Variants in ROBO2 observed in about 807,000 individuals in gnomAD.
ROBO2 encodes the protein roundabout homolog 2.
ROBO2 carries 53 observed loss-of-function variants against 160.8 expected under a neutral mutation model. The ratio of observed to expected loss-of-function variants is 0.33; its 90% CI spans 0.26 to 0.41. The LOEUF is 0.41. Among genes scored for constraint, ROBO2 ranks in the 10% least tolerant of loss-of-function variants. The probability of loss-of-function intolerance (pLI) is 1.00; values close to 1 mark genes in which losing one functional copy is unlikely to be tolerated. For synonymous variants in ROBO2, 664 were observed against 611.7 expected, an observed-to-expected ratio of 1.09 and a Z score of -1.26; for missense variants, 1,577 against 1,722.4, an observed-to-expected ratio of 0.92 and a Z score of 1.49.
chr3:77,195,438 T>C (rs17820446), intron 2 of ROBO2, among the ~76,000 whole-genome samples: 27,521 of 152,130 alleles, frequency 0.18, 2,815 homozygotes, highest in Middle Eastern at 0.28. Context: ...GTAAATGCAC[T>C]GATGAGCAGT....
chr3:76,515,807 G>A (rs1176379330), intron 2 of ROBO2, among the ~76,000 whole-genome samples: 1 of 152,066 alleles, frequency 6.6e-6, no homozygotes, highest in African/African-American at 2.4e-5. Context: ...CATTCTCAGT[G>A]AACAAAATTT....
intron 2 of ROBO2, among the ~76,000 whole-genome samples, chr3:76,337,678 T>C (rs547305890): frequency 2.0e-5 from 3 of 152,206 alleles, no homozygotes; most frequent in East Asian, 1.9e-4. Context: ...AACTGAAGAA[T>C]AGAGGTGTGA....
At chr3:76,848,224 C>A (rs1279235195) in intron 2 of ROBO2, among the ~76,000 whole-genome samples, 1 of 152,142 alleles carries the variant, frequency 6.6e-6, no homozygotes, top group Non-Finnish European at 1.5e-5. Flanking sequence ...CCAAATAAAT[C>A]TTATATTGAA....
intron 2 of ROBO2, among the ~76,000 whole-genome samples, chr3:76,151,925 G>T (rs556056832): frequency 6.6e-6 from 1 of 152,214 alleles, no homozygotes; most frequent in South Asian, 2.1e-4. Context: ...CATGAGTATT[G>T]ATTCATCCAA....
intron 2 of ROBO2, among the ~76,000 whole-genome samples, chr3:76,222,424 A>T (rs1042898315): frequency 6.2e-4 from 94 of 152,304 alleles, no homozygotes; most frequent in African/African-American, 2.0e-3. Flanking sequence ...TGACCTTGTG[A>T]CTAGGCTTAT....
intron 2 of ROBO2, among the ~76,000 whole-genome samples, chr3:76,429,984 G>A (rs1039214698): frequency 1.3e-5 from 2 of 152,088 alleles, no homozygotes; most frequent in African/African-American, 4.8e-5. Context: ...TGGACAACCT[G>A]CCCAGGACAC....
chr3:76,647,302 A>C (rs1276419465), intron 2 of ROBO2, among the ~76,000 whole-genome samples: 3 of 152,196 alleles, frequency 2.0e-5, no homozygotes, highest in East Asian at 3.9e-4. Context: ...CAAATGAAGA[A>C]GTTCCCAAGA....
At chr3:77,231,513 C>T (rs1320813092) in intron 2 of ROBO2, among the ~76,000 whole-genome samples, 1 of 152,026 alleles carries the variant, frequency 6.6e-6, no homozygotes, top group East Asian at 1.9e-4. Context: ...AATTATATGC[C>T]TTACTTTATT....
chr3:76,632,344 C>T (rs7634503), intron 2 of ROBO2, among the ~76,000 whole-genome samples: 95,674 of 151,978 alleles, frequency 0.63, 30,380 homozygotes, highest in African/African-American at 0.69. Flanking sequence ...CTGTCACACA[C>T]CCTTGCTTGC....
chr3:77,551,616 C>T (rs1301723304), intron 8 of ROBO2, among the ~76,000 whole-genome samples: 5 of 152,028 alleles, frequency 3.3e-5, no homozygotes, highest in South Asian at 4.1e-4. Context: ...TCACAATTGA[C>T]AGCTAGCAAA....
chr3:76,121,096 G>A (rs1480267611), intron 2 of ROBO2, among the ~76,000 whole-genome samples: 1 of 152,072 alleles, frequency 6.6e-6, no homozygotes, highest in South Asian at 2.1e-4. Context: ...TGAAAGAGAG[G>A]CAATGAAATT....
At chr3:76,955,606 A>G (rs1457245999) in intron 2 of ROBO2, among the ~76,000 whole-genome samples, 6 of 152,190 alleles carry the variant, frequency 3.9e-5, no homozygotes, top group Admixed American at 2.6e-4. Context: ...CATTAATGAT[A>G]TTAACCATCT....
intron 2 of ROBO2, among the ~76,000 whole-genome samples, chr3:76,186,438 C>A (rs932369223): frequency 3.9e-5 from 6 of 152,164 alleles, no homozygotes; most frequent in Admixed American, 3.9e-4. Flanking sequence ...TAAAAGCTCT[C>A]ATGTGTCTTT....
intron 2 of ROBO2, among the ~76,000 whole-genome samples, chr3:77,136,028 C>T (rs534856437): frequency 7.2e-5 from 11 of 152,272 alleles, no homozygotes; most frequent in East Asian, 1.9e-4. Flanking sequence ...GGATTTTATA[C>T]AGCACAGTAC....
intron 1 of ROBO2, among the ~76,000 whole-genome samples, chr3:75,928,014 T>A: frequency 7.1e-6 from 1 of 141,506 alleles, no homozygotes. Context: ...AGACGGAGTC[T>A]CTCTCTGCCC....
intron 10 of ROBO2, 43 bp downstream of exon 11, chr3:77,562,775 T>G (rs1476441343): frequency 7.5e-7 from 1 of 1,327,704 alleles, no homozygotes; most frequent in Admixed American, 1.7e-5. Flanking sequence ...GCCCCTTTTC[T>G]GATAGCTCAA....
chr3:76,838,770 C>T (rs1368956198), intron 2 of ROBO2, among the ~76,000 whole-genome samples: 3 of 149,336 alleles, frequency 2.0e-5, no homozygotes, highest in Non-Finnish European at 4.5e-5. Context: ...TCAACTCCTA[C>T]TCTACCCTTG....
intron 2 of ROBO2, among the ~76,000 whole-genome samples, chr3:77,128,371 G>C (rs2075538496): frequency 6.6e-6 from 1 of 152,088 alleles, no homozygotes; most frequent in Non-Finnish European, 1.5e-5. Flanking sequence ...AAAAAACATG[G>C]TATATACTGT....
intron 2 of ROBO2, among the ~76,000 whole-genome samples, chr3:76,612,114 A>T (rs917749235): frequency 6.6e-6 from 1 of 152,226 alleles, no homozygotes; most frequent in African/African-American, 2.4e-5. Context: ...GTGGTCAAAG[A>T]AGATACCTGA....
Sources: allele counts gnomAD v4.1 joint callset (sites outside exome capture counted in the v4.1 genomes callset), GRCh38; gene constraint gnomAD v4.1.1; transcripts MANE v1.5; gene names NCBI Gene and HGNC (gene_info 2026-07-23, HGNC 2026-07-21).